KIF26B: variants seen among roughly 807,000 people sequenced by gnomAD.
The protein encoded by KIF26B is kinesin-like protein KIF26B.
In KIF26B, 63 loss-of-function variants were observed where a neutral mutation model predicts 151.2. The observed-to-expected ratio is 0.42, with a 90% confidence interval of 0.34 to 0.51. The LOEUF (loss-of-function observed/expected upper bound fraction) is 0.51, where lower values mean the gene tolerates loss of function less well. Among genes scored for constraint, KIF26B ranks in the 20% least tolerant of loss-of-function variants. The pLI is 0.07. For synonymous variants in KIF26B, 1,357 were observed against 1,262.1 expected, an observed-to-expected ratio of 1.08 and a Z score of -1.59; for missense variants, 2,813 against 2,913.6, an observed-to-expected ratio of 0.97 and a Z score of 0.79.
intron 5 of KIF26B, among the ~76,000 whole-genome samples, chr1:245,584,614 C>T (rs183027394): frequency 2.0e-5 from 3 of 151,962 alleles, no homozygotes; most frequent in African/African-American, 2.4e-5. Flanking sequence ...CATTTTGGTA[C>T]GATTCCAATG....
rs747341269 is a variant in KIF26B at position 245,687,857 on chromosome 1, GC to G, written c.4879del (p.Leu1627Ter). 1.3e-6 allele frequency: 2 copies of G among 1,593,034 alleles called. No homozygotes were observed. The highest frequency in any genetic ancestry group is 2.3e-5 in the South Asian group (2 of 87,474). On this transcript the variant is annotated frameshift_variant, in exon 12 of 15. Transcript: ENST00000407071. LOFTEE classifies it high-confidence loss of function. This position sits in a 1 kb window ranked among gnomAD's most constrained non-coding sequence, Gnocchi z 4.9. ...AGTGCCAGCGGCAGCGGCACCAGCA[GC>G]CCCCTGAACCAACCAGCCGCCTTCC... ...QHSASGSGTSSPLNQPAAFPA... is the reference protein window; with the variant it reads ...QHSASGSGTSXPLNQPAAFPA...
chr1:245,560,236 T>C lies in KIF26B; in HGVS notation c.1350+19286T>C, dbSNP rs1477295213. ...ATAGATGCTCATTCGCTTCAATTCA[T>C]TGAACATCTGCTACTGGCCAGGGAC... On this transcript the variant is annotated intron_variant, in intron 5 of 14. Coordinates refer to ENST00000407071, the MANE Select transcript of KIF26B (RefSeq NM_018012.4). The surrounding 1 kb of genome is among the most constrained non-coding windows in gnomAD (Gnocchi z 4.3). Among the ~76,000 whole-genome samples, 1 of 152,120 alleles carries C rather than the reference T, an allele frequency of 6.6e-6. No homozygotes were observed. The highest frequency in any genetic ancestry group is 2.1e-4 in the South Asian group (1 of 4,814).
chr1:245,265,637 G>C (rs536967971), intron 2 of KIF26B, among the ~76,000 whole-genome samples: 2 of 151,048 alleles, frequency 1.3e-5, no homozygotes, highest in Non-Finnish European at 2.9e-5. Flanking sequence ...ACCCAGGCTG[G>C]AGTGTAGTGG....
intron 4 of KIF26B, among the ~76,000 whole-genome samples, chr1:245,466,467 T>C (rs930600675): frequency 3.9e-5 from 6 of 152,248 alleles, no homozygotes; most frequent in Non-Finnish European, 8.8e-5. Context: ...GGCTGGGATT[T>C]ACAAGGTAAA....
At chr1:245,321,537 C>A (rs1387222409) in intron 2 of KIF26B, among the ~76,000 whole-genome samples, 1 of 152,170 alleles carries the variant, frequency 6.6e-6, no homozygotes, top group African/African-American at 2.4e-5. Context: ...CAGCAAAACT[C>A]TCATTTCAGT....
intron 10 of KIF26B, chr1:245,673,780 CGAT>C (rs1572193613): frequency 6.6e-6 from 1 of 152,190 alleles, no homozygotes; most frequent in African/African-American, 2.4e-5. Flanking sequence ...GGTTCAGAGA[CGAT>C]GAAGCGGCAA....
intron 2 of KIF26B, among the ~76,000 whole-genome samples, chr1:245,202,685 G>A (rs548960478): frequency 1.3e-5 from 2 of 150,666 alleles, no homozygotes; most frequent in Non-Finnish European, 3.0e-5. Flanking sequence ...CCGTGAACCC[G>A]GGAGGCGGAG....
In KIF26B at chr1:245,259,833, G is replaced by A. The variant is rs994938182; in HGVS notation, c.465+103150G>A. Among the ~76,000 whole-genome samples the A allele has an allele frequency of 2.0e-5, 3 of 151,814 alleles. No individual in the cohort carries two copies. In the East Asian group the frequency reaches 5.8e-4, roughly 29 times the overall value. On this transcript the variant is annotated intron_variant, in intron 2 of 14. Coordinates refer to ENST00000407071, the MANE Select transcript of KIF26B (RefSeq NM_018012.4). ...ACCTGTAGTCCCAGCTCCTTGGGAGGGTGAGGCAGCAGGATTGCTTAGGCC... is the reference window on the plus strand; with the variant it reads ...ACCTGTAGTCCCAGCTCCTTGGGAGAGTGAGGCAGCAGGATTGCTTAGGCC...
intron 3 of KIF26B, among the ~76,000 whole-genome samples, chr1:245,397,373 A>G (rs1673874201): frequency 6.6e-6 from 1 of 151,672 alleles, no homozygotes; most frequent in South Asian, 2.1e-4. Context: ...GCACCACCAC[A>G]CCCAGCTAAT....
At chr1:245,298,693 C>T (rs1348453226) in intron 2 of KIF26B, among the ~76,000 whole-genome samples, 2 of 152,206 alleles carry the variant, frequency 1.3e-5, no homozygotes, top group African/African-American at 4.8e-5. Context: ...TTCAGAATAG[C>T]TGACAAGCTA....
At chr1:245,304,383 C>A (rs142476309) in intron 2 of KIF26B, among the ~76,000 whole-genome samples, 1 of 152,240 alleles carries the variant, frequency 6.6e-6, no homozygotes, top group East Asian at 1.9e-4. Flanking sequence ...AATTGCCTTG[C>A]GATTGGGGAA....
intron 5 of KIF26B, among the ~76,000 whole-genome samples, chr1:245,571,281 TC>T (rs1338005425): frequency 6.6e-6 from 1 of 152,124 alleles, no homozygotes; most frequent in African/African-American, 2.4e-5. Context: ...GGGGCTCCCC[TC>T]CCAAGCCCCA....
In KIF26B at chr1:245,225,138, A is replaced by G. The variant is rs1164021078; in HGVS notation, c.465+68455A>G. ...AGCAAAACACACAATTTCAGAATTC[A>G]TAGAGATGAGATACTACTGTGTAAA... On this transcript the variant is annotated intron_variant, in intron 2 of 14. Coordinates refer to ENST00000407071, the MANE Select transcript of KIF26B (RefSeq NM_018012.4). Among the ~76,000 whole-genome samples the G allele has an allele frequency of 3.3e-5, 5 of 152,196 alleles. No homozygotes were observed. In the East Asian group the frequency reaches 9.6e-4, roughly 29 times the overall value.
At chr1:245,202,691 C>T (rs1035832779) in intron 2 of KIF26B, among the ~76,000 whole-genome samples, 6 of 141,624 alleles carry the variant, frequency 4.2e-5, no homozygotes, top group South Asian at 2.4e-4. Context: ...ACCCGGGAGG[C>T]GGAGCTTGCA....
chr1:245,679,626 G>A (rs1158186603), intron 10 of KIF26B, among the ~76,000 whole-genome samples: 1 of 151,714 alleles, frequency 6.6e-6, no homozygotes, highest in African/African-American at 2.4e-5. Context: ...GCGCCACCAT[G>A]CCCAGATAAT....
intron 2 of KIF26B, among the ~76,000 whole-genome samples, chr1:245,283,722 C>G (rs150143351): frequency 6.7e-6 from 1 of 148,470 alleles, no homozygotes; most frequent in South Asian, 2.1e-4. Context: ...GACTCTCACT[C>G]TGTCGCCCAG....
intron 10 of KIF26B, among the ~76,000 whole-genome samples, chr1:245,661,789 A>T (rs1404964885): frequency 2.6e-5 from 2 of 76,638 alleles, no homozygotes; most frequent in Admixed American, 1.4e-4. Flanking sequence ...ATATATACAC[A>T]TACACACACA....
intron 3 of KIF26B, among the ~76,000 whole-genome samples, chr1:245,379,867 A>T (rs187296324): frequency 1.3e-5 from 2 of 151,490 alleles, no homozygotes; most frequent in African/African-American, 4.8e-5. Flanking sequence ...GCTCCTCAGG[A>T]GGCTGAGGCA....
rs1486735749 is a variant in KIF26B, at chr1:245,597,888, A to G, written c.1351-4689A>G. Among the ~76,000 whole-genome samples, 1 of 151,876 alleles carries G rather than the reference A, an allele frequency of 6.6e-6. No individual in the cohort carries two copies. The highest frequency in any genetic ancestry group is 2.4e-5 in the African/African-American group (1 of 41,362). On this transcript the variant is annotated intron_variant, in intron 5 of 14. Transcript: ENST00000407071. The surrounding 1 kb of genome is among the most constrained non-coding windows in gnomAD (Gnocchi z 4.6). ...CTTTATTTCACTAAGTTGATCTTCAATCTCTGCTATCCTTTCTTCCGCTTG... is the reference window on the plus strand; with the variant it reads ...CTTTATTTCACTAAGTTGATCTTCAGTCTCTGCTATCCTTTCTTCCGCTTG...
Sources: gnomAD v4.1 joint callset for allele counts (sites outside exome capture counted in the v4.1 genomes callset) on GRCh38, gnomAD v4.1.1 for gene constraint, Gnocchi (gnomAD v3.1) non-coding constraint, MANE v1.5 for transcripts, NCBI Gene and HGNC (gene_info 2026-07-23, HGNC 2026-07-21) for gene names.